ITGAV: variants seen among roughly 807,000 people sequenced by gnomAD.
ITGAV encodes the protein integrin alpha-V.
In ITGAV, 76 loss-of-function variants were observed where a neutral mutation model predicts 143.8. That is an observed-to-expected ratio of 0.53 (90% CI 0.44 to 0.64). ITGAV has a LOEUF of 0.64. ITGAV is among the 30% of genes least tolerant of loss of function. ITGAV has a pLI of 0.00. For synonymous variants in ITGAV, 453 were observed against 446.7 expected, an observed-to-expected ratio of 1.01 and a Z score of -0.18; for missense variants, 1,193 against 1,274.7, an observed-to-expected ratio of 0.94 and a Z score of 0.98.
In ITGAV at chr2:186,590,895, TC is replaced by T. The variant is rs771784660; in HGVS notation, c.185+373del. 1.1e-4 allele frequency among the ~76,000 whole-genome samples: 16 copies of T among 152,230 alleles called. No homozygotes were observed. The South Asian group carries it at 3.1e-3, about 30-fold the overall frequency. ...TCAATATCATCCCCGAACTTCTTTT[TC>T]TCCTCTACCAGTTAGGCTTCTTGGT... On this transcript the variant is annotated intron_variant, in intron 1 of 29. Coordinates refer to ENST00000261023, the MANE Select transcript of ITGAV (RefSeq NM_002210.5).
rs868235768 is a variant in ITGAV at position 186,637,469 on chromosome 2, G to A, written c.802+360G>A. Among the ~76,000 whole-genome samples, 17 of 138,270 alleles carry A rather than the reference G, an allele frequency of 1.2e-4. No individual in the cohort carries two copies. The South Asian group carries it at 2.8e-3, about 23-fold the overall frequency. The allele number at this position is 138,270 out of a possible 152,430, so 90.7% of individuals were successfully genotyped here. A position where few individuals can be genotyped will look rare whatever the true frequency, so the allele number is the denominator to read the frequency against. ...GCACTCCCGCCCGGGCGACAGAGCC[G>A]AGACCCTGTCTCAAAAAAAAAAAAA... On this transcript the variant is annotated intron_variant, in intron 8 of 29. Transcript: ENST00000261023.
At chr2:186,621,181 T>C (rs991069528) in intron 2 of ITGAV, among the ~76,000 whole-genome samples, 5 of 152,358 alleles carry the variant, frequency 3.3e-5, no homozygotes, top group African/African-American at 9.6e-5. Context: ...TTTGTACTTA[T>C]TGATTGCTGT....
At position 186,678,756 on chromosome 2, in the gene ITGAV, C is replaced by T. The variant is rs1215881660; in HGVS notation, c.*1464C>T. 1 of 455,710 alleles carries T rather than the reference C, an allele frequency of 2.2e-6. No individual in the cohort carries two copies. The highest frequency in any genetic ancestry group is 4.4e-6 in the Non-Finnish European group (1 of 226,338). 28.2% of individuals were successfully genotyped at this position (455,710 alleles called of 1,614,324 possible). On this transcript the variant is annotated 3_prime_UTR_variant, in exon 30 of 30. Coordinates refer to ENST00000261023, the MANE Select transcript of ITGAV (RefSeq NM_002210.5). ...TTTTGTGCAATTACATCATGTTGTA[C>T]ATTAGAAATGGAGAGTTTAATAGCT... is the stretch of plus-strand genomic sequence containing the variant.
chr2:186,606,762 A>G (rs1687077070), intron 2 of ITGAV, among the ~76,000 whole-genome samples: 1 of 152,076 alleles, frequency 6.6e-6, no homozygotes, highest in African/African-American at 2.4e-5. Context: ...TTGTGTCTTC[A>G]TCACTTGTCA....
chr2:186,603,304 A>G (rs1443569044), intron 2 of ITGAV, among the ~76,000 whole-genome samples: 2 of 152,228 alleles, frequency 1.3e-5, no homozygotes. Context: ...ATTTCCTGCC[A>G]GTACTAAAAT....
intron 10 of ITGAV, among the ~76,000 whole-genome samples, chr2:186,639,507 G>C (rs1351182173): frequency 2.6e-5 from 4 of 152,160 alleles, no homozygotes; most frequent in African/African-American, 9.7e-5. Context: ...AGCTCAAGCA[G>C]CTTCTCCTGT....
At chr2:186,630,722 T>C in intron 4 of ITGAV, 75 bp from the exon 5 acceptor site, 1 of 785,760 alleles carries the variant, frequency 1.3e-6, no homozygotes, top group Non-Finnish European at 2.2e-6. Flanking sequence ...ATTCTAGTGA[T>C]ATCAGATTTT....
chr2:186,659,093 G>C lies in ITGAV; in HGVS notation c.1775G>C (p.Arg592Pro), dbSNP rs201898547. The change falls in exon 18 of 30, where the codon CGG (arginine) becomes CCG (proline). Residue 592 changes from arginine to proline, a missense_variant. Transcript: ENST00000261023. ...LTPITIFMEY[R>P]LDYRTAADTT... ...CCAATTACTATTTTTATGGAATATCGGTTGGATTATAGAACAGCTGCTGAT... is the reference window on the plus strand; with the variant it reads ...CCAATTACTATTTTTATGGAATATCCGTTGGATTATAGAACAGCTGCTGAT... 6.2e-7 allele frequency: 1 copy of C among 1,610,288 alleles called. No individual in the cohort carries two copies. The highest frequency in any genetic ancestry group is 2.2e-5 in the East Asian group (1 of 44,830).
At chr2:186,653,240 C>G (rs991775771) in intron 15 of ITGAV, among the ~76,000 whole-genome samples, 2 of 152,078 alleles carry the variant, frequency 1.3e-5, no homozygotes, top group Non-Finnish European at 2.9e-5. Flanking sequence ...TAAGTTGTCT[C>G]GTGCTTTACT....
At position 186,664,490 on chromosome 2, in the gene ITGAV, G is replaced by T; in HGVS notation, c.1926-4G>T. On this transcript the variant is annotated splice_region_variant and splice_polypyrimidine_tract_variant and intron_variant, in intron 19 of 29. Coordinates refer to ENST00000261023, the MANE Select transcript of ITGAV (RefSeq NM_002210.5). ...CAGTCTGGATTTGTATTGTTAACTT[G>T]TAGTGATCAAAAGAAGATCTATATT... is the stretch of plus-strand genomic sequence containing the variant. The T allele has an allele frequency of 1.2e-6, 2 of 1,613,350 alleles. No homozygotes were observed. The highest frequency in any genetic ancestry group is 8.5e-7 in the Non-Finnish European group (1 of 1,179,576).
Position 186,677,227 on chromosome 2 carries a change from CAAG to C in ITGAV, c.3088_3090del (p.Glu1030del), listed in dbSNP as rs1158296225. ...CTTTTTTAAACGGGTCCGGCCACCT[CAAG>C]AAGAACAAGAAAGGGAGCAGCTTCA... On this transcript the variant is annotated inframe_deletion, in exon 30 of 30. Transcript: ENST00000261023. 4.3e-6 allele frequency: 7 copies of C among 1,613,698 alleles called. No homozygotes were observed. The highest frequency in any genetic ancestry group is 5.9e-6 in the Non-Finnish European group (7 of 1,179,808).
chr2:186,672,458 G>A (rs898172408), intron 26 of ITGAV, among the ~76,000 whole-genome samples: 1 of 152,222 alleles, frequency 6.6e-6, no homozygotes, highest in Non-Finnish European at 1.5e-5. Context: ...GCTAGGTCAT[G>A]TGGAAACTCT....
At chr2:186,600,294 C>A in intron 1 of ITGAV, 1 of 1,530,812 alleles carries the variant, frequency 6.5e-7, no homozygotes, top group Non-Finnish European at 8.9e-7. Context: ...TTCCACTTCC[C>A]TCATCCCCAC....
chr2:186,649,891 CA>C lies in ITGAV; in HGVS notation c.1397+7del. On this transcript the variant is annotated splice_region_variant and intron_variant, in intron 14 of 29. Transcript: ENST00000261023. ...GATCGAGCTATCTTATACAGGTGAG[CA>C]TTTTCTGTATCCTGCGGTATAGGAA... 7.0e-7 allele frequency: 1 copy of C among 1,424,424 alleles called. No individual in the cohort carries two copies. Among genetic ancestry groups the C allele is most frequent in the South Asian group, 1.5e-5 (1 of 66,606 alleles). 88.2% of individuals were successfully genotyped at this position (1,424,424 alleles called of 1,614,324 possible).
At chr2:186,676,754 A>T in intron 28 of ITGAV, 59 bp from the exon 29 acceptor site, 1 of 1,520,342 alleles carries the variant, frequency 6.6e-7, no homozygotes, top group African/African-American at 1.4e-5. Flanking sequence ...ATTTACTCAG[A>T]TATTTGTTGA....
At chr2:186,615,773 T>C (rs1421075158) in intron 2 of ITGAV, among the ~76,000 whole-genome samples, 4 of 152,166 alleles carry the variant, frequency 2.6e-5, no homozygotes, top group Admixed American at 6.5e-5. Context: ...CTTTCCACTT[T>C]TTAAATGGTG....
intron 24 of ITGAV, 57 bp downstream of exon 24, chr2:186,667,833 C>A: frequency 9.7e-7 from 1 of 1,033,714 alleles, no homozygotes; most frequent in South Asian, 2.0e-5. Flanking sequence ...AAGAGAGGAA[C>A]AACTAAGCTA....
Position 186,643,607 on chromosome 2 carries a change from GCAT to G in ITGAV, c.1159+2025_1159+2027del, listed in dbSNP as rs1688169011. ...CTCTTTCCACCTACCCCCACCCTAG[GCAT>G]CATCAAGAGGGATATTGAAAACAAA... is the stretch of plus-strand genomic sequence containing the variant. On this transcript the variant is annotated intron_variant, in intron 12 of 29. Coordinates refer to ENST00000261023, the MANE Select transcript of ITGAV (RefSeq NM_002210.5). Among the ~76,000 whole-genome samples, 5 of 151,930 alleles carry G rather than the reference GCAT, an allele frequency of 3.3e-5. No individual in the cohort carries two copies. The South Asian group carries it at 1.0e-3, about 32-fold the overall frequency.
chr2:186,624,621 A>G (rs564176282), intron 3 of ITGAV, among the ~76,000 whole-genome samples: 150 of 152,348 alleles, frequency 9.8e-4, no homozygotes, highest in African/African-American at 3.6e-3. Flanking sequence ...AAAGTATTAT[A>G]GAAAATCAAT....
Sources: gnomAD v4.1 joint callset for allele counts (sites outside exome capture counted in the v4.1 genomes callset) on GRCh38, gnomAD v4.1.1 for gene constraint, MANE v1.5 for transcripts, NCBI Gene and HGNC (gene_info 2026-07-23, HGNC 2026-07-21) for gene names.